NDRG2: variants seen among roughly 807,000 people sequenced by gnomAD.
The protein encoded by NDRG2 is NDRG family member 2.
In NDRG2, 34 loss-of-function variants were observed where a neutral mutation model predicts 58.2. The ratio of observed to expected loss-of-function variants is 0.58; its 90% CI spans 0.44 to 0.78. The LOEUF (loss-of-function observed/expected upper bound fraction) is 0.78. Ranked by LOEUF, NDRG2 falls within the 30% of genes least tolerant of loss-of-function variation. The probability of loss-of-function intolerance (pLI) is 0.00; values close to 1 mark genes in which losing one functional copy is unlikely to be tolerated. For synonymous variants in NDRG2, 187 were observed against 175.9 expected (o/e 1.06, Z -0.50); for missense variants, 434 against 471.2 (o/e 0.92, Z 0.73).
intron 1 of NDRG2, among the ~76,000 whole-genome samples, chr14:21,067,800 C>T (rs1476387430): frequency 6.6e-6 from 1 of 151,660 alleles, no homozygotes; most frequent in Non-Finnish European, 1.5e-5. Flanking sequence ...AGGTAAGAGC[C>T]TGCATTCTTT....
chr14:21,018,424 C>A (rs1220340519), intron 13 of NDRG2, 33 bp downstream of exon 13: 10 of 1,612,818 alleles, frequency 6.2e-6, no homozygotes, highest in Non-Finnish European at 8.5e-6. Context: ...GGATATATGA[C>A]TGTGGACGGG....
intron 1 of NDRG2, among the ~76,000 whole-genome samples, chr14:21,056,557 C>T (rs1480062327): frequency 1.3e-5 from 2 of 152,182 alleles, no homozygotes; most frequent in Admixed American, 1.3e-4. Context: ...AAAGAATTCA[C>T]CTTCTTGCTC....
At chr14:21,058,158 G>C in intron 1 of NDRG2, 1 of 1,614,152 alleles carries the variant, frequency 6.2e-7, no homozygotes, top group East Asian at 2.2e-5. Flanking sequence ...AACATAGCCT[G>C]CAAGAATAGC....
chr14:21,066,213 CAGAAA>C (rs1886253795), intron 1 of NDRG2, among the ~76,000 whole-genome samples: 2 of 151,814 alleles, frequency 1.3e-5, no homozygotes, highest in Admixed American at 6.6e-5. Flanking sequence ...AAAGATGAGG[CAGAAA>C]AGAAAAGGAG....
chr14:21,022,627 C>G, intron 3 of NDRG2, 130 bp from the exon 4 acceptor site: 1 of 710,914 alleles, frequency 1.4e-6, no homozygotes, highest in South Asian at 1.9e-5. Flanking sequence ...AAAACAGGAT[C>G]AGCAAGAATT....
intron 1 of NDRG2, among the ~76,000 whole-genome samples, chr14:21,053,008 A>T (rs1197549300): frequency 6.6e-6 from 1 of 152,222 alleles, no homozygotes; most frequent in African/African-American, 2.4e-5. Flanking sequence ...GATTAGAAAC[A>T]GTCAAAGGAG....
rs1594441157 is a variant in NDRG2, at chr14:21,024,066, T to C, written c.-43A>G. The C allele has an allele frequency of 1.6e-5, 16 of 985,228 alleles. 1 individual carries two copies. The Admixed American group carries it at 8.0e-4, about 49-fold the overall frequency. The allele number at this position is 985,228 out of a possible 1,614,324, so 61.0% of individuals were successfully genotyped here. ...TGGCTGGATGCAGTGGGATTAGGGGTCAGGGTTCTCACTCCTTCTGACTCT... is the reference window on the plus strand; with the variant it reads ...TGGCTGGATGCAGTGGGATTAGGGGCCAGGGTTCTCACTCCTTCTGACTCT... On this transcript the variant is annotated 5_prime_UTR_variant, in exon 1 of 16. Coordinates refer to ENST00000556147, the MANE Select transcript of NDRG2 (RefSeq NM_001320329.2).
At chr14:21,067,075 TAGTG>T (rs1222467137) in intron 1 of NDRG2, among the ~76,000 whole-genome samples, 3 of 152,034 alleles carry the variant, frequency 2.0e-5, no homozygotes, top group African/African-American at 7.2e-5. Context: ...CAGGGAGAAA[TAGTG>T]AGCAGCCTAA....
In NDRG2 at chr14:21,024,833, A is replaced by G; in HGVS notation, c.-810T>C. 1 of 985,734 alleles carries G rather than the reference A, an allele frequency of 1.0e-6. No individual in the cohort carries two copies. Among genetic ancestry groups the G allele is most frequent in the Non-Finnish European group, 1.2e-6 (1 of 830,190 alleles). 61.1% of individuals were successfully genotyped at this position (985,734 alleles called of 1,614,324 possible). On this transcript the variant is annotated 5_prime_UTR_variant, in exon 1 of 16. Transcript: ENST00000556147. Reference sequence around the variant, plus strand: ...GTGCCAAGCGCCCCGGACCTTGCACACAACCTCGCGCGCACCCCAAACACG... The same window carrying G: ...GTGCCAAGCGCCCCGGACCTTGCACGCAACCTCGCGCGCACCCCAAACACG...
chr14:21,033,753 G>T, intron 1 of NDRG2: 2 of 1,085,446 alleles, frequency 1.8e-6, no homozygotes, highest in Non-Finnish European at 2.9e-6. Flanking sequence ...TTGTTACAGG[G>T]ATCAGAGTGT....
In NDRG2 at chr14:21,017,558, G is replaced by T. The variant is rs760531482; in HGVS notation, c.*38C>A. 9 of 1,596,640 alleles carry T rather than the reference G, an allele frequency of 5.6e-6. No homozygotes were observed. The South Asian group carries it at 1.0e-4, about 18-fold the overall frequency. On this transcript the variant is annotated 3_prime_UTR_variant, in exon 16 of 16. Coordinates refer to ENST00000556147, the MANE Select transcript of NDRG2 (RefSeq NM_001320329.2). ...ACCTCCCAGGTTAGCTCTGGGGGAG[G>T]TGAGGGCTGGGTCCCACTCTAGGGC...
At chr14:21,061,092 T>G (rs896701747) in intron 1 of NDRG2, among the ~76,000 whole-genome samples, 1 of 152,176 alleles carries the variant, frequency 6.6e-6, no homozygotes, top group Non-Finnish European at 1.5e-5. Flanking sequence ...AGTAATAAGA[T>G]AGAAAAGAAG....
chr14:21,031,945 C>G (rs139422155), intron 1 of NDRG2: 1 of 1,614,066 alleles, frequency 6.2e-7, no homozygotes, highest in African/African-American at 1.3e-5. Flanking sequence ...GCAAGTACAC[C>G]GGCACCCACA....
chr14:21,060,620 A>C (rs565463886), intron 1 of NDRG2, among the ~76,000 whole-genome samples: 1 of 152,214 alleles, frequency 6.6e-6, no homozygotes. Flanking sequence ...CAGAGCTCCC[A>C]AAGTCCAGTC....
At chr14:21,017,798 G>A (rs1291799118) in intron 15 of NDRG2, 36 bp from the exon 16 acceptor site, 15 of 1,603,954 alleles carry the variant, frequency 9.4e-6, no homozygotes, top group East Asian at 4.5e-5. Context: ...CAGTCAGAGA[G>A]GAAGTGGGGA....
chr14:21,043,552 C>T (rs1885011863), intron 1 of NDRG2: 2 of 906,538 alleles, frequency 2.2e-6, no homozygotes, highest in African/African-American at 1.7e-5. Context: ...ATTCTCTTCC[C>T]CTCATCTCTT....
At chr14:21,063,733 A>G (rs1025688719) in intron 1 of NDRG2, among the ~76,000 whole-genome samples, 2 of 152,194 alleles carry the variant, frequency 1.3e-5, no homozygotes, top group African/African-American at 4.8e-5. Context: ...GTCTTAATAA[A>G]TGTTCATTTA....
upstream of NDRG2, among the ~76,000 whole-genome samples, chr14:21,029,545 C>A (rs1243287615): frequency 1.3e-5 from 2 of 152,172 alleles, no homozygotes; most frequent in Non-Finnish European, 2.9e-5. Context: ...TGCAGTGCCC[C>A]AGGATCATGC....
At chr14:21,028,390 T>G (rs531620733), upstream of NDRG2, 178 of 152,262 alleles carry the variant, frequency 1.2e-3, no homozygotes, top group African/African-American at 3.8e-3. Context: ...TAGCTGGGAC[T>G]ACAGGTGCAT....
Sources: allele counts gnomAD v4.1 joint callset (sites outside exome capture counted in the v4.1 genomes callset), GRCh38; gene constraint gnomAD v4.1.1; transcripts MANE v1.5; gene names NCBI Gene and HGNC (gene_info 2026-07-23, HGNC 2026-07-21).